The following ZNF385D variants were observed in gnomAD, a reference collection of about 807,000 sequenced individuals.
The protein encoded by ZNF385D is zinc finger protein 659.
In ZNF385D, 15 loss-of-function variants were observed where a neutral mutation model predicts 35.8. The observed-to-expected ratio is 0.42, with a 90% confidence interval of 0.28 to 0.64. ZNF385D has a LOEUF of 0.64. Among genes scored for constraint, ZNF385D ranks in the 30% least tolerant of loss-of-function variants. ZNF385D has a pLI of 0.23. For missense variants in ZNF385D, 474 were observed against 494.6 expected, an observed-to-expected ratio of 0.96 and a Z score of 0.39; for synonymous variants, 212 against 186.8, an observed-to-expected ratio of 1.13 and a Z score of -1.10.
chr3:21,984,425 C>G (rs1295862530), intron 3 of ZNF385D, among the ~76,000 whole-genome samples: 1 of 128,474 alleles, frequency 7.8e-6, no homozygotes, highest in Non-Finnish European at 1.6e-5. Context: ...AATAGGGAAT[C>G]CTTTCCCCAT....
At chr3:21,698,391 A>C (rs1197796933) in intron 1 of ZNF385D, among the ~76,000 whole-genome samples, 1 of 100,520 alleles carries the variant, frequency 9.9e-6, no homozygotes, top group Non-Finnish European at 2.6e-5. Flanking sequence ...TTTGGAGCTA[A>C]ACAATGAACA....
intron 3 of ZNF385D, among the ~76,000 whole-genome samples, chr3:21,798,649 G>A (rs774275282): frequency 3.3e-5 from 5 of 151,938 alleles, no homozygotes; most frequent in Non-Finnish European, 5.9e-5. Context: ...TTTCATCTAT[G>A]CCACATAATG....
chr3:22,370,348 A>G (rs1425970562), intron 2 of ZNF385D, among the ~76,000 whole-genome samples: 2 of 152,234 alleles, frequency 1.3e-5, no homozygotes, highest in Non-Finnish European at 2.9e-5. Flanking sequence ...TTGATTTACA[A>G]TAACAGGACT....
intron 3 of ZNF385D, among the ~76,000 whole-genome samples, chr3:22,077,520 GTCT>G (rs1290059951): frequency 6.6e-6 from 1 of 151,918 alleles, no homozygotes; most frequent in African/African-American, 2.4e-5. Context: ...CCAGAAATTG[GTCT>G]TCTTTTGTCT....
At chr3:21,561,275 G>A (rs968588222) in intron 3 of ZNF385D, among the ~76,000 whole-genome samples, 1 of 152,200 alleles carries the variant, frequency 6.6e-6, no homozygotes, top group Non-Finnish European at 1.5e-5. Flanking sequence ...CCCTGGTGGT[G>A]TAGGTACCCT....
intron 2 of ZNF385D, among the ~76,000 whole-genome samples, chr3:22,327,178 CAAT>C (rs143541787): frequency 0.013 from 2,027 of 151,964 alleles, 38 homozygotes; most frequent in East Asian, 0.072. Context: ...TACTAATTTG[CAAT>C]AATAATTGAG....
chr3:21,981,615 T>A (rs1281603303), intron 3 of ZNF385D, among the ~76,000 whole-genome samples: 4 of 152,178 alleles, frequency 2.6e-5, no homozygotes, highest in Non-Finnish European at 4.4e-5. Context: ...GCTTTTGGTG[T>A]CTTTGTCATA....
At chr3:22,140,981 G>A (rs535727700) in intron 3 of ZNF385D, among the ~76,000 whole-genome samples, 1 of 152,266 alleles carries the variant, frequency 6.6e-6, no homozygotes, top group African/African-American at 2.4e-5. Flanking sequence ...AACAATTGTT[G>A]AACTTAAACA....
At chr3:21,972,141 G>A (rs1703297833) in intron 3 of ZNF385D, among the ~76,000 whole-genome samples, 2 of 151,958 alleles carry the variant, frequency 1.3e-5, no homozygotes, top group South Asian at 4.1e-4. Flanking sequence ...GCCAATGGCT[G>A]CAGAATATAC....
chr3:21,856,608 T>C (rs1366293282), intron 3 of ZNF385D, among the ~76,000 whole-genome samples: 1 of 151,850 alleles, frequency 6.6e-6, no homozygotes, highest in African/African-American at 2.4e-5. Context: ...GGAATTCTGT[T>C]GGGTCCACAT....
At chr3:21,424,086 G>T in intron 6 of ZNF385D, 22 bp from the exon 7 acceptor site, 1 of 1,537,398 alleles carries the variant, frequency 6.5e-7, no homozygotes, top group South Asian at 1.3e-5. Context: ...AATTTAAAAT[G>T]ACAGCTTTAA....
chr3:22,125,526 T>C (rs911101824), intron 3 of ZNF385D, among the ~76,000 whole-genome samples: 6 of 152,130 alleles, frequency 3.9e-5, no homozygotes, highest in African/African-American at 1.4e-4. Context: ...TTAACAATAT[T>C]ATTTTTCCAA....
intron 2 of ZNF385D, among the ~76,000 whole-genome samples, chr3:21,578,647 A>ATGTG (rs1402375403): frequency 6.6e-6 from 1 of 152,062 alleles, no homozygotes; most frequent in Non-Finnish European, 1.5e-5. Flanking sequence ...GGCTATAAAT[A>ATGTG]TGTGTGTTTA....
chr3:22,260,490 T>A (rs1295372896), intron 2 of ZNF385D, among the ~76,000 whole-genome samples: 3 of 151,946 alleles, frequency 2.0e-5, no homozygotes, highest in African/African-American at 7.2e-5. Context: ...ATTCTGCACA[T>A]GTATCCCAGA....
At chr3:21,558,166 T>G (rs1250010674) in intron 3 of ZNF385D, among the ~76,000 whole-genome samples, 1 of 151,186 alleles carries the variant, frequency 6.6e-6, no homozygotes, top group Admixed American at 6.6e-5. Flanking sequence ...TCAGTTCTGC[T>G]CTGATCTTAG....
chr3:22,114,579 G>A lies in ZNF385D; in HGVS notation c.325+54238C>T, dbSNP rs7638046. On this transcript the variant is annotated intron_variant, in intron 3 of 5. Transcript: ENST00000494108. ...AGAAGCCAGTGGAAGGTACATTAAT[G>A]AGCAGATCACTGTTGTGAGCAAATG... Among the ~76,000 whole-genome samples the A allele has an allele frequency of 3.9e-3, 595 of 152,208 alleles. 12 individuals are homozygous for A. The highest frequency in any genetic ancestry group is 0.014 in the African/African-American group (572 of 41,570).
chr3:22,097,233 T>C (rs1415337284), intron 3 of ZNF385D, among the ~76,000 whole-genome samples: 1 of 152,060 alleles, frequency 6.6e-6, no homozygotes, highest in Admixed American at 6.6e-5. Context: ...TCAATACATT[T>C]TGAGGTGGTT....
intron 3 of ZNF385D, among the ~76,000 whole-genome samples, chr3:21,805,041 G>C (rs991545170): frequency 7.2e-5 from 11 of 152,172 alleles, no homozygotes; most frequent in African/African-American, 2.2e-4. Flanking sequence ...ATAATGGTGA[G>C]AGGGGCTTAT....
chr3:21,706,941 G>A (rs1376626650), intron 1 of ZNF385D, among the ~76,000 whole-genome samples: 1 of 152,118 alleles, frequency 6.6e-6, no homozygotes, highest in Non-Finnish European at 1.5e-5. Flanking sequence ...TCTTCAAGTA[G>A]CTGCCTCAGC....
Sources: gnomAD v4.1 joint callset for allele counts (sites outside exome capture counted in the v4.1 genomes callset) on GRCh38, gnomAD v4.1.1 for gene constraint, MANE v1.5 for transcripts, NCBI Gene and HGNC (gene_info 2026-07-23, HGNC 2026-07-21) for gene names.